The following NBPF9 variants were observed in gnomAD, a reference collection of about 807,000 sequenced individuals.
NBPF9 encodes the protein NBPF member 9, also known as NBPF family member NBPF9.
NBPF9 carries 91 observed loss-of-function variants against 97.8 expected under a neutral mutation model. The observed-to-expected ratio is 0.93, with a 90% CI of 0.79 to 1.11. NBPF9 has a LOEUF of 1.11. NBPF9 is among the 50% of genes least tolerant of loss of function. The pLI is 0.00. For synonymous variants in NBPF9, 334 were observed against 359.5 expected (o/e 0.93, Z 0.80); for missense variants, 992 against 939.5 (o/e 1.06, Z -0.73).
intron 11 of NBPF9, among the ~76,000 whole-genome samples, chr1:149,076,847 A>G (rs1575844793): frequency 6.6e-6 from 1 of 151,660 alleles, no homozygotes; most frequent in East Asian, 1.9e-4. Flanking sequence ...TGAAAAGGAG[A>G]GAGAGTCTAG....
chr1:149,085,139 A>G (rs1553658067), intron 5 of NBPF9, among the ~76,000 whole-genome samples: 1 of 151,898 alleles, frequency 6.6e-6, no homozygotes, highest in East Asian at 1.9e-4. Context: ...CCAAAACCAC[A>G]TGGGCTGGGG....
chr1:149,076,092 A>C (rs1157504605), intron 11 of NBPF9, among the ~76,000 whole-genome samples: 1 of 152,110 alleles, frequency 6.6e-6, no homozygotes, highest in Non-Finnish European at 1.5e-5. Flanking sequence ...TTTCTTGCTT[A>C]TACGTTTCTA....
intron 25 of NBPF9, 179 bp downstream of exon 25, chr1:149,059,521 G>A: frequency 2.4e-6 from 1 of 412,330 alleles, no homozygotes; most frequent in African/African-American, 2.7e-5. Context: ...GTTAGGAAAT[G>A]ATAAGGGGAG....
intron 5 of NBPF9, among the ~76,000 whole-genome samples, chr1:149,085,844 C>T (rs1301922855): frequency 3.9e-5 from 6 of 151,900 alleles, no homozygotes; most frequent in African/African-American, 7.3e-5. Flanking sequence ...GATACACTAA[C>T]GGAACTACTG....
At chr1:149,086,813 T>C in intron 5 of NBPF9, among the ~76,000 whole-genome samples, 1 of 152,182 alleles carries the variant, frequency 6.6e-6, no homozygotes, top group South Asian at 2.1e-4. Flanking sequence ...GTCTCGTTAC[T>C]GAGCCACGAG....
chr1:149,076,505 A>AC lies in NBPF9; in HGVS notation c.779-642_779-641insG, dbSNP rs1202638347. Among the ~76,000 whole-genome samples the AC allele has an allele frequency of 4.9e-5, 6 of 122,940 alleles. 1 individual carries two copies. The highest frequency in any genetic ancestry group is 1.1e-4 in the Non-Finnish European group (6 of 56,564). The allele number at this position is 122,940 out of a possible 152,430, so 80.7% of individuals were successfully genotyped here. A position where few individuals can be genotyped will look rare whatever the true frequency, so the allele number is the denominator to read the frequency against. On this transcript the variant is annotated intron_variant, in intron 11 of 29. Coordinates refer to ENST00000584027, the Ensembl canonical transcript of NBPF9. ...GCCAGCGCCCCTGGTCAGAGACTTT[A>AC]TTTTTTTTTTTTTTTGAGATGGAGT...
In NBPF9 at chr1:149,069,739, T is replaced by C. The variant is rs1575834965; in HGVS notation, c.1586-94A>G. The C allele has an allele frequency of 4.8e-6, 4 of 835,886 alleles. No homozygotes were observed. The East Asian group carries it at 9.8e-5, about 20-fold the overall frequency. 51.8% of individuals were successfully genotyped at this position (835,886 alleles called of 1,614,324 possible). ...CCAGTCATAGCCAAGGACATAACTATTCTCAGTGCAAGAATAAGGATTCTG... is the reference window on the plus strand; with the variant it reads ...CCAGTCATAGCCAAGGACATAACTACTCTCAGTGCAAGAATAAGGATTCTG... On this transcript the variant is annotated intron_variant, in intron 16 of 29. Transcript: ENST00000584027.
At chr1:149,091,535 G>A (rs868924389) in intron 4 of NBPF9, among the ~76,000 whole-genome samples, 19 of 151,890 alleles carry the variant, frequency 1.3e-4, no homozygotes, top group African/African-American at 4.6e-4. Context: ...AACATTTTGA[G>A]TGCAATAGGA....
exon 30 of NBPF9, chr1:149,055,331 A>G (rs1408668262): frequency 3.9e-6 from 2 of 514,054 alleles, no homozygotes; most frequent in Non-Finnish European, 6.8e-6. Flanking sequence ...GAGCAGGTAT[A>G]GAAGCTCAGA....
At chr1:149,087,531 A>G (rs1271431445) in intron 5 of NBPF9, among the ~76,000 whole-genome samples, 1 of 150,008 alleles carries the variant, frequency 6.7e-6, no homozygotes, top group East Asian at 2.0e-4. Flanking sequence ...ATAGGTAGTG[A>G]ATTCATTCAC....
At position 149,059,725 on chromosome 1, in the gene NBPF9, C is replaced by A; in HGVS notation, c.2560G>T (p.Glu854Ter). The stretch of plus-strand genomic sequence containing the variant: ...CTGGGGCATGGTGGGTTTTGATTTT[C>A]TTCCCCTTCTTTTCTTCCCCTTCTT... The change falls in exon 25 of 30, where the codon GAA becomes TAA. Residue 854 changes from glutamate (E) to a stop codon, truncating the protein, a stop_gained. Coordinates refer to ENST00000584027, the Ensembl canonical transcript of NBPF9. LOFTEE classifies it high-confidence loss of function. 3.5e-6 allele frequency: 2 copies of A among 571,186 alleles called. 1 individual carries two copies. Among genetic ancestry groups the A allele is most frequent in the South Asian group, 3.8e-5 (2 of 52,508 alleles). 35.4% of individuals were successfully genotyped at this position (571,186 alleles called of 1,614,324 possible). A position where few individuals can be genotyped will look rare whatever the true frequency, so the allele number is the denominator to read the frequency against.
intron 9 of NBPF9, 88 bp downstream of exon 9, chr1:149,078,917 ACT>A: frequency 6.4e-7 from 1 of 1,573,812 alleles, no homozygotes; most frequent in South Asian, 1.1e-5. Flanking sequence ...AAAAAACCCC[ACT>A]GATACAACTG....
Position 149,055,902 on chromosome 1 carries a change from G to C in NBPF9, c.3093-3C>G, listed in dbSNP as rs781844981. Reference sequence around the variant, plus strand: ...CTTCCATCAGCACGCCGTTGAGCCTGGAAAAGGAGACAAAACTAAAGAAGC... The same window carrying C: ...CTTCCATCAGCACGCCGTTGAGCCTCGAAAAGGAGACAAAACTAAAGAAGC... On this transcript the variant is annotated splice_region_variant and splice_polypyrimidine_tract_variant and intron_variant, in intron 29 of 29. Transcript: ENST00000584027. 1.3e-5 allele frequency: 21 copies of C among 1,611,470 alleles called. No individual in the cohort carries two copies. The African/African-American group carries it at 1.7e-4, about 13-fold the overall frequency.
chr1:149,075,201 C>T (rs1211449204), intron 12 of NBPF9, among the ~76,000 whole-genome samples: 2 of 151,780 alleles, frequency 1.3e-5, no homozygotes, highest in Non-Finnish European at 2.9e-5. Flanking sequence ...CAGGTACTGG[C>T]TACTATCACC....
intron 4 of NBPF9, among the ~76,000 whole-genome samples, chr1:149,097,524 C>T (rs2152925876): frequency 6.6e-6 from 1 of 152,338 alleles, no homozygotes; most frequent in South Asian, 2.1e-4. Context: ...TGCCCAGCTG[C>T]AGGTGGGGGC....
At chr1:149,070,945 T>C (rs782184262) in exon 16 of NBPF9, 32 of 1,612,464 alleles carry the variant, frequency 2.0e-5, no homozygotes, top group Non-Finnish European at 2.7e-5. Context: ...TGGAATAATG[T>C]GTACAGCATC....
exon 16 of NBPF9, chr1:149,071,046 G>T: frequency 6.2e-7 from 1 of 1,611,414 alleles, no homozygotes. Flanking sequence ...GTGGCTGGTT[G>T]GAGTCATAAG....
At chr1:149,077,925 T>C (rs782134139) in exon 10 of NBPF9, 1 of 1,522,762 alleles carries the variant, frequency 6.6e-7, no homozygotes, top group Non-Finnish European at 9.1e-7. Context: ...CTCCTCAACT[T>C]GAACATCTTC....
chr1:149,086,949 A>G (rs1553658679), intron 5 of NBPF9, among the ~76,000 whole-genome samples: 1 of 152,092 alleles, frequency 6.6e-6, no homozygotes, highest in Non-Finnish European at 1.5e-5. Context: ...AACCTTTAAG[A>G]AACTGTTAGA....
Sources: allele counts gnomAD v4.1 joint callset (sites outside exome capture counted in the v4.1 genomes callset), GRCh38; gene constraint gnomAD v4.1.1; transcripts MANE v1.5; gene names NCBI Gene and HGNC (gene_info 2026-07-23, HGNC 2026-07-21).